The following CRACD variants were observed in gnomAD, a reference collection of about 807,000 sequenced individuals.
The protein encoded by CRACD is capping protein inhibiting regulator of actin dynamics, also known as capping protein-inhibiting regulator of actin dynamics.
Under a neutral mutation model 106.8 loss-of-function variants are expected in CRACD, and 56 were observed. That is an observed-to-expected ratio of 0.52 (90% CI 0.42 to 0.66). CRACD has a LOEUF of 0.66. Among genes scored for constraint, CRACD ranks in the 30% least tolerant of loss-of-function variants. CRACD has a pLI of 0.00. For missense variants in CRACD, 1,730 were observed against 1,623.2 expected (o/e 1.07, Z -1.13); for synonymous variants, 754 against 670.8 (o/e 1.12, Z -1.92).
rs1269852289 is a variant in CRACD, at chr4:56,324,286, C to T, written c.3541+20C>T. 6.2e-7 allele frequency: 1 copy of T among 1,601,248 alleles called. No homozygotes were observed. The highest frequency in any genetic ancestry group is 8.5e-7 in the Non-Finnish European group (1 of 1,172,334). On this transcript the variant is annotated intron_variant, in intron 10 of 10. Coordinates refer to ENST00000682029, the MANE Select transcript of CRACD (RefSeq NM_001393381.1). Reference sequence around the variant, plus strand: ...TGACAGGTAGAGAGCAGGTCCATTGCTTTGTAACTGTAGTTCCAGGTTTCT... The same window carrying T: ...TGACAGGTAGAGAGCAGGTCCATTGTTTTGTAACTGTAGTTCCAGGTTTCT...
At chr4:56,206,868 A>G (rs1459536321) in intron 2 of CRACD, among the ~76,000 whole-genome samples, 1 of 152,156 alleles carries the variant, frequency 6.6e-6, no homozygotes, top group Non-Finnish European at 1.5e-5. Flanking sequence ...CAGTGTCCTC[A>G]TGGTCGCACA....
intron 2 of CRACD, among the ~76,000 whole-genome samples, chr4:56,214,677 C>CTATATATATATATATATA (rs748365524): frequency 1.5e-5 from 1 of 68,840 alleles, no homozygotes; most frequent in African/African-American, 5.0e-5. Flanking sequence ...CTCTCTCTCT[C>CTATATATATATATATATA]TCTCTATATA....
At chr4:56,080,228 T>TA (rs1035684301) in intron 1 of CRACD, among the ~76,000 whole-genome samples, 3 of 152,104 alleles carry the variant, frequency 2.0e-5, no homozygotes, top group African/African-American at 7.2e-5. Flanking sequence ...AAAACGGTGG[T>TA]AAAAAAACTG....
intron 2 of CRACD, among the ~76,000 whole-genome samples, chr4:56,260,777 T>G (rs906618397): frequency 6.6e-6 from 1 of 152,222 alleles, no homozygotes; most frequent in African/African-American, 2.4e-5. Context: ...TCCTGATAAT[T>G]TTGCCCTATG....
intron 1 of CRACD, among the ~76,000 whole-genome samples, chr4:56,090,681 C>T (rs574217472): frequency 6.6e-6 from 1 of 152,190 alleles, no homozygotes; most frequent in Admixed American, 6.5e-5. Context: ...ATGTGTAAGC[C>T]ACTGCGCCCA....
rs977089779 is a variant in CRACD, at chr4:56,231,437, A to G, written c.-188-40884A>G. Reference sequence around the variant, plus strand: ...CTAATATTAAAAGCTTCTGTTGCTTATCTTCTAAAGCTGACTGTAGGCTTG... The same window carrying G: ...CTAATATTAAAAGCTTCTGTTGCTTGTCTTCTAAAGCTGACTGTAGGCTTG... On this transcript the variant is annotated intron_variant, in intron 2 of 10. Coordinates refer to ENST00000682029, the MANE Select transcript of CRACD (RefSeq NM_001393381.1). Among the ~76,000 whole-genome samples the G allele has an allele frequency of 4.6e-5, 7 of 152,358 alleles. No homozygotes were observed. In the South Asian group the frequency reaches 1.0e-3, roughly 23 times the overall value.
chr4:56,131,129 C>G lies in CRACD; in HGVS notation c.-335-48155C>G, dbSNP rs1577682306. 2.0e-5 allele frequency among the ~76,000 whole-genome samples: 3 copies of G among 152,106 alleles called. No individual in the cohort carries two copies. In the East Asian group the frequency reaches 5.8e-4, roughly 29 times the overall value. ...TCTGTACACTAGTATGAATTTAAAT[C>G]AATATACTGCTATTAATTTAAATTC... On this transcript the variant is annotated intron_variant, in intron 1 of 10. Transcript: ENST00000682029.
intron 1 of CRACD, among the ~76,000 whole-genome samples, chr4:56,171,544 A>AAGG (rs1290262293): frequency 2.0e-5 from 3 of 152,158 alleles, no homozygotes; most frequent in Non-Finnish European, 4.4e-5. Flanking sequence ...TGAAAAGTGC[A>AAGG]ATTTGAGTAG....
At chr4:56,152,013 CTTTT>C (rs562674319) in intron 1 of CRACD, among the ~76,000 whole-genome samples, 1 of 137,822 alleles carries the variant, frequency 7.3e-6, no homozygotes, top group Non-Finnish European at 1.6e-5. Flanking sequence ...ATAGTTTTTT[CTTTT>C]TTTTTTTTTT....
chr4:56,232,021 T>C (rs1356942027), intron 2 of CRACD, among the ~76,000 whole-genome samples: 2 of 152,162 alleles, frequency 1.3e-5, no homozygotes, highest in African/African-American at 4.8e-5. Context: ...GCAGTTATAA[T>C]AAGTTCCAAA....
intron 2 of CRACD, among the ~76,000 whole-genome samples, chr4:56,211,164 C>G (rs1324223237): frequency 6.6e-6 from 1 of 152,158 alleles, no homozygotes; most frequent in Admixed American, 6.5e-5. Flanking sequence ...AAGATTTTGC[C>G]ATTTCTAAAG....
chr4:56,239,984 T>A (rs1322467934), intron 2 of CRACD, among the ~76,000 whole-genome samples: 1 of 152,038 alleles, frequency 6.6e-6, no homozygotes, highest in Non-Finnish European at 1.5e-5. Flanking sequence ...ATGACAGGTT[T>A]TTTTTAACAG....
intron 2 of CRACD, among the ~76,000 whole-genome samples, chr4:56,226,483 A>G (rs994893116): frequency 6.6e-6 from 1 of 152,172 alleles, no homozygotes; most frequent in Admixed American, 6.5e-5. Context: ...CCAGAGGACT[A>G]TAGTGCAATA....
At chr4:56,119,270 A>G (rs1734400577) in intron 1 of CRACD, among the ~76,000 whole-genome samples, 1 of 152,190 alleles carries the variant, frequency 6.6e-6, no homozygotes, top group Non-Finnish European at 1.5e-5. Flanking sequence ...ACTTTTTACA[A>G]TGGGGTAAAT....
chr4:56,239,946 A>G (rs886089159), intron 2 of CRACD, among the ~76,000 whole-genome samples: 1 of 152,108 alleles, frequency 6.6e-6, no homozygotes. Flanking sequence ...AATGAATGAG[A>G]TGAGAGTCAG....
At chr4:56,237,789 T>G (rs930172590) in intron 2 of CRACD, among the ~76,000 whole-genome samples, 1 of 150,668 alleles carries the variant, frequency 6.6e-6, no homozygotes, top group African/African-American at 2.4e-5. Flanking sequence ...CATATGTAGA[T>G]AGAGCGATGG....
At chr4:56,226,223 C>T (rs1348962628) in intron 2 of CRACD, among the ~76,000 whole-genome samples, 2 of 152,014 alleles carry the variant, frequency 1.3e-5, no homozygotes, top group Admixed American at 6.6e-5. Flanking sequence ...AGAGGAGGCA[C>T]GTTATAAATA....
At chr4:56,299,527 G>A (rs186147876) in intron 4 of CRACD, among the ~76,000 whole-genome samples, 7 of 152,144 alleles carry the variant, frequency 4.6e-5, no homozygotes, top group Middle Eastern at 3.4e-3. Flanking sequence ...AAAGTTAGCC[G>A]GGCATGGTTG....
chr4:56,280,251 A>G (rs1742956201), intron 3 of CRACD, among the ~76,000 whole-genome samples: 1 of 152,116 alleles, frequency 6.6e-6, no homozygotes, highest in South Asian at 2.1e-4. Context: ...CATGTAACAA[A>G]CGTGCACGTT....
Sources: gnomAD v4.1 joint callset for allele counts (sites outside exome capture counted in the v4.1 genomes callset) on GRCh38, gnomAD v4.1.1 for gene constraint, MANE v1.5 for transcripts, NCBI Gene and HGNC (gene_info 2026-07-23, HGNC 2026-07-21) for gene names.